The following MDGA2 variants were observed in gnomAD, a reference collection of about 807,000 sequenced individuals.
The protein encoded by MDGA2 is MAM domain containing glycosylphosphatidylinositol anchor 2, also known as MAM domain-containing glycosylphosphatidylinositol anchor protein 2.
MDGA2 carries 40 observed loss-of-function variants against 117.8 expected under a neutral mutation model. The observed-to-expected ratio is 0.34, with a 90% CI of 0.26 to 0.44. MDGA2 has a LOEUF of 0.44. MDGA2 is among the 20% of genes least tolerant of loss of function. The probability of loss-of-function intolerance (pLI) is 1.00; values close to 1 mark genes in which losing one functional copy is unlikely to be tolerated. For synonymous variants in MDGA2, 452 were observed against 439.0 expected (o/e 1.03, Z -0.37); for missense variants, 1,123 against 1,250.6 (o/e 0.90, Z 1.54).
chr14:46,993,024 G>A (rs1286712166), intron 8 of MDGA2, among the ~76,000 whole-genome samples: 2 of 151,700 alleles, frequency 1.3e-5, no homozygotes, highest in Non-Finnish European at 2.9e-5. Context: ...ACAATCTTGA[G>A]CTTTACTTGG....
At chr14:46,930,257 C>G (rs1240698328) in intron 9 of MDGA2, among the ~76,000 whole-genome samples, 3 of 152,050 alleles carry the variant, frequency 2.0e-5, no homozygotes, top group African/African-American at 7.2e-5. Flanking sequence ...AACTTAGTCC[C>G]AATTGCACTT....
At chr14:47,350,447 G>T (rs1890853074) in intron 1 of MDGA2, among the ~76,000 whole-genome samples, 1 of 152,094 alleles carries the variant, frequency 6.6e-6, no homozygotes, top group Non-Finnish European at 1.5e-5. Flanking sequence ...AACATTGGGG[G>T]CATATCTGAA....
chr14:47,319,428 T>C (rs1485005925), intron 1 of MDGA2, among the ~76,000 whole-genome samples: 1 of 152,204 alleles, frequency 6.6e-6, no homozygotes, highest in Non-Finnish European at 1.5e-5. Flanking sequence ...TCTTAAAGTA[T>C]TAAATATATG....
At chr14:46,932,643 A>G (rs2138553419) in intron 9 of MDGA2, among the ~76,000 whole-genome samples, 1 of 152,272 alleles carries the variant, frequency 6.6e-6, no homozygotes, top group Non-Finnish European at 1.5e-5. Flanking sequence ...GCTAAGAATT[A>G]GAAACTAGAA....
chr14:47,364,547 A>T (rs569118511), intron 1 of MDGA2, among the ~76,000 whole-genome samples: 1 of 152,204 alleles, frequency 6.6e-6, no homozygotes, highest in Non-Finnish European at 1.5e-5. Context: ...TACAGGCGTG[A>T]GCCACCGCGC....
chr14:46,865,816 T>C (rs1311090718), intron 14 of MDGA2, among the ~76,000 whole-genome samples: 1 of 151,992 alleles, frequency 6.6e-6, no homozygotes, highest in Non-Finnish European at 1.5e-5. Flanking sequence ...ATAAAATACC[T>C]AGCAATCCAA....
intron 3 of MDGA2, among the ~76,000 whole-genome samples, chr14:47,208,046 C>T (rs1232582503): frequency 6.6e-6 from 1 of 151,908 alleles, no homozygotes; most frequent in Non-Finnish European, 1.5e-5. Flanking sequence ...TCATTTCCTT[C>T]AATTGTCAAA....
intron 1 of MDGA2, among the ~76,000 whole-genome samples, chr14:47,304,441 C>T (rs1180602557): frequency 2.0e-5 from 3 of 152,032 alleles, no homozygotes; most frequent in Non-Finnish European, 4.4e-5. Context: ...CAGACCTAGA[C>T]TAGGCTAGGG....
At chr14:47,323,181 TATA>T (rs1890038459) in intron 1 of MDGA2, among the ~76,000 whole-genome samples, 1 of 80,972 alleles carries the variant, frequency 1.2e-5, no homozygotes, top group Non-Finnish European at 2.7e-5. Flanking sequence ...TATATATATA[TATA>T]TATATATATG....
intron 11 of MDGA2, 93 bp from the exon 12 acceptor site, chr14:46,877,602 T>G: frequency 1.2e-6 from 1 of 839,040 alleles, no homozygotes; most frequent in Non-Finnish European, 1.8e-6. Context: ...CAGTGTCTCA[T>G]AGTTCCTTAC....
At chr14:47,196,092 T>C (rs1197532569) in intron 3 of MDGA2, among the ~76,000 whole-genome samples, 1 of 152,118 alleles carries the variant, frequency 6.6e-6, no homozygotes, top group East Asian at 1.9e-4. Flanking sequence ...TGTAATCTAC[T>C]TAATTTCTAA....
At chr14:47,108,346 G>A (rs1400329776) in intron 5 of MDGA2, among the ~76,000 whole-genome samples, 1 of 152,260 alleles carries the variant, frequency 6.6e-6, no homozygotes, top group South Asian at 2.1e-4. Context: ...CCAAGCCATC[G>A]CATCCCCTGT....
chr14:47,571,123 G>C (rs935645422), intron 1 of MDGA2, among the ~76,000 whole-genome samples: 5 of 152,124 alleles, frequency 3.3e-5, no homozygotes, highest in Admixed American at 6.5e-5. Context: ...CTCAAAAGAA[G>C]ACATTTATGC....
chr14:47,622,576 A>T (rs1897069270), intron 1 of MDGA2, among the ~76,000 whole-genome samples: 1 of 152,094 alleles, frequency 6.6e-6, no homozygotes, highest in Admixed American at 6.5e-5. Context: ...TCCCAGTGAA[A>T]ACAAATAACA....
At chr14:47,036,315 AAAGTT>A (rs1224927177) in intron 7 of MDGA2, among the ~76,000 whole-genome samples, 1 of 151,832 alleles carries the variant, frequency 6.6e-6, no homozygotes, top group Non-Finnish European at 1.5e-5. Context: ...TTTCTCGAGT[AAAGTT>A]AATTTCTGAT....
At chr14:47,583,987 T>C (rs1896275695) in intron 1 of MDGA2, among the ~76,000 whole-genome samples, 1 of 151,864 alleles carries the variant, frequency 6.6e-6, no homozygotes, top group African/African-American at 2.4e-5. Flanking sequence ...CTGATTACTC[T>C]ATCTCCTGCA....
chr14:47,515,495 T>G (rs1318972029), intron 1 of MDGA2, among the ~76,000 whole-genome samples: 4 of 152,138 alleles, frequency 2.6e-5, no homozygotes, highest in Non-Finnish European at 5.9e-5. Context: ...TTCCGGAATC[T>G]TCACACACTG....
chr14:47,588,373 C>T (rs1896372463), intron 1 of MDGA2, among the ~76,000 whole-genome samples: 1 of 150,982 alleles, frequency 6.6e-6, no homozygotes, highest in African/African-American at 2.4e-5. Flanking sequence ...TATATTTCTA[C>T]CAACAATGTA....
chr14:47,334,182 A>T (rs952054845), intron 1 of MDGA2, among the ~76,000 whole-genome samples: 3 of 151,882 alleles, frequency 2.0e-5, no homozygotes. Context: ...GCACAGACTT[A>T]GTACAGAAAA....
Sources: gnomAD v4.1 joint callset for allele counts (sites outside exome capture counted in the v4.1 genomes callset) on GRCh38, gnomAD v4.1.1 for gene constraint, MANE v1.5 for transcripts, NCBI Gene and HGNC (gene_info 2026-07-23, HGNC 2026-07-21) for gene names.